The following RUNX1T1 variants were observed in gnomAD, a reference collection of about 807,000 sequenced individuals.
The protein encoded by RUNX1T1 is protein CBFA2T1.
RUNX1T1 carries 4 observed loss-of-function variants against 62.8 expected under a neutral mutation model. The observed-to-expected ratio is 0.06, with a 90% confidence interval of 0.03 to 0.15. The LOEUF (loss-of-function observed/expected upper bound fraction) is 0.15. Ranked by LOEUF, RUNX1T1 falls within the 10% of genes least tolerant of loss-of-function variation. RUNX1T1 has a pLI of 1.00. For missense variants in RUNX1T1, 508 were observed against 754.3 expected, an observed-to-expected ratio of 0.67 and a Z score of 3.82; for synonymous variants, 291 against 286.0, an observed-to-expected ratio of 1.02 and a Z score of -0.18.
chr8:91,970,043 T>TGTGTGTGTGTGTGTG (rs11374252), intron 10 of RUNX1T1, among the ~76,000 whole-genome samples: 1 of 142,716 alleles, frequency 7.0e-6, no homozygotes, highest in African/African-American at 2.7e-5. Flanking sequence ...TGTGTGTGTG[T>TGTGTGTGTGTGTGTG]TGTGTGTGTG....
At chr8:92,049,257 C>CA (rs1395612254) in intron 1 of RUNX1T1, among the ~76,000 whole-genome samples, 1 of 152,196 alleles carries the variant, frequency 6.6e-6, no homozygotes, top group Non-Finnish European at 1.5e-5. Context: ...TCAAACCTCA[C>CA]AAGCCTATCA....
At chr8:92,095,326 T>TCCC in intron 1 of RUNX1T1, 1 of 1,530,562 alleles carries the variant, frequency 6.5e-7, no homozygotes, top group East Asian at 2.5e-5. Context: ...CTCGCCTCCC[T>TCCC]CCCCTGTTCA....
chr8:92,017,322 C>G, exon 2 of RUNX1T1: 1 of 1,614,020 alleles, frequency 6.2e-7, no homozygotes, highest in Non-Finnish European at 8.5e-7. Flanking sequence ...GTCTTCACAT[C>G]CACAGGTGAG....
chr8:91,978,781 C>A (rs73696991), intron 8 of RUNX1T1, among the ~76,000 whole-genome samples: 353 of 152,220 alleles, frequency 2.3e-3, no homozygotes, highest in African/African-American at 8.0e-3. Flanking sequence ...GACCTTCCAC[C>A]TTCTATGGGC....
intron 1 of RUNX1T1, among the ~76,000 whole-genome samples, chr8:92,037,693 A>G (rs943430661): frequency 6.6e-6 from 1 of 152,090 alleles, no homozygotes; most frequent in Non-Finnish European, 1.5e-5. Flanking sequence ...AATAAATTTA[A>G]AAAGTAAAAA....
chr8:92,051,760 G>A (rs766628300), intron 1 of RUNX1T1, among the ~76,000 whole-genome samples: 9 of 152,066 alleles, frequency 5.9e-5, no homozygotes, highest in Non-Finnish European at 1.3e-4. Flanking sequence ...TGCAAGGGAT[G>A]TTTCCTCCCC....
chr8:92,008,577 T>C (rs373432252), intron 4 of RUNX1T1, among the ~76,000 whole-genome samples: 2 of 152,152 alleles, frequency 1.3e-5, no homozygotes, highest in Non-Finnish European at 2.9e-5. Context: ...AACATAGTTA[T>C]GCCAGCTCAG....
At chr8:91,964,000 A>T (rs574499687) in intron 10 of RUNX1T1, among the ~76,000 whole-genome samples, 1 of 152,280 alleles carries the variant, frequency 6.6e-6, no homozygotes, top group East Asian at 1.9e-4. Flanking sequence ...GGCATAAAGA[A>T]TATTTTCCTC....
intron 1 of RUNX1T1, among the ~76,000 whole-genome samples, chr8:92,029,908 C>A (rs1035138260): frequency 6.6e-6 from 1 of 152,140 alleles, no homozygotes; most frequent in African/African-American, 2.4e-5. Context: ...AACAAAAATT[C>A]TTAAAAATCA....
intron 5 of RUNX1T1, among the ~76,000 whole-genome samples, chr8:92,002,148 TCTAC>T (rs1276007345): frequency 1.3e-5 from 2 of 152,206 alleles, no homozygotes; most frequent in Non-Finnish European, 2.9e-5. Context: ...ATCAGAATTT[TCTAC>T]TTACTTTCCC....
At chr8:91,962,819 C>T (rs1810786030) in intron 10 of RUNX1T1, among the ~76,000 whole-genome samples, 1 of 152,218 alleles carries the variant, frequency 6.6e-6, no homozygotes, top group Admixed American at 6.5e-5. Context: ...AATTAAACAT[C>T]TAATCTGAGT....
chr8:92,096,486 T>C (rs1367717734), intron 1 of RUNX1T1, among the ~76,000 whole-genome samples: 3 of 152,186 alleles, frequency 2.0e-5, no homozygotes, highest in Non-Finnish European at 1.5e-5. Flanking sequence ...GAGTCCCTTT[T>C]CACTTTTAAA....
chr8:91,975,977 T>C lies in RUNX1T1; in HGVS notation c.1199-4A>G, dbSNP rs772552206. The C allele has an allele frequency of 5.6e-6, 9 of 1,609,600 alleles. No homozygotes were observed. In the South Asian group the frequency reaches 7.7e-5, roughly 14 times the overall value. The stretch of plus-strand genomic sequence containing the variant: ...TGAAGGAATTCCCGATGCGCGTCTA[T>C]GAAAAGGATGGGAAGGGGGTGGAGA... On this transcript the variant is annotated splice_region_variant and splice_polypyrimidine_tract_variant and intron_variant, in intron 8 of 10. Coordinates refer to ENST00000396218, the Ensembl canonical transcript of RUNX1T1.
intron 8 of RUNX1T1, among the ~76,000 whole-genome samples, chr8:91,981,582 A>G (rs971734866): frequency 1.3e-5 from 2 of 150,702 alleles, no homozygotes; most frequent in East Asian, 3.9e-4. Flanking sequence ...TATCTGGCTA[A>G]TTTTTTTTAT....
At chr8:91,960,587 T>G in intron 10 of RUNX1T1, 70 bp from the exon 12 acceptor site, 1 of 1,500,348 alleles carries the variant, frequency 6.7e-7, no homozygotes, top group Non-Finnish European at 9.2e-7. Flanking sequence ...CTGACAAATA[T>G]GTTAGGCATC....
At chr8:92,021,075 C>T (rs532257548) in intron 1 of RUNX1T1, among the ~76,000 whole-genome samples, 2 of 152,178 alleles carry the variant, frequency 1.3e-5, no homozygotes, top group Admixed American at 6.5e-5. Flanking sequence ...GGTCAATTAT[C>T]GAAGTCTCAG....
At chr8:92,078,109 A>G (rs1422434364) in intron 1 of RUNX1T1, among the ~76,000 whole-genome samples, 2 of 152,122 alleles carry the variant, frequency 1.3e-5, no homozygotes, top group Non-Finnish European at 2.9e-5. Flanking sequence ...AGTTTCAAAC[A>G]ATATACAATG....
intron 1 of RUNX1T1, among the ~76,000 whole-genome samples, chr8:92,028,912 C>T (rs1825746045): frequency 6.6e-6 from 1 of 150,964 alleles, no homozygotes; most frequent in African/African-American, 2.5e-5. Flanking sequence ...GTGATCCAAA[C>T]CTTTTATCAT....
chr8:91,977,931 G>A (rs951789059), intron 8 of RUNX1T1, among the ~76,000 whole-genome samples: 1 of 152,080 alleles, frequency 6.6e-6, no homozygotes, highest in African/African-American at 2.4e-5. Flanking sequence ...CGGATTACAG[G>A]TGCATGCCAC....
Sources: gnomAD v4.1 joint callset for allele counts (sites outside exome capture counted in the v4.1 genomes callset) on GRCh38, gnomAD v4.1.1 for gene constraint, MANE v1.5 for transcripts, NCBI Gene and HGNC (gene_info 2026-07-23, HGNC 2026-07-21) for gene names.